The following EEFSEC variants were observed in gnomAD, a reference collection of about 807,000 sequenced individuals.
EEFSEC encodes selenocysteine-specific elongation factor.
EEFSEC carries 43 observed loss-of-function variants against 42.1 expected under a neutral mutation model. That is an observed-to-expected ratio of 1.02 (90% CI 0.80 to 1.32). The LOEUF (loss-of-function observed/expected upper bound fraction) is 1.32. Among genes scored for constraint, EEFSEC ranks in the 40% most tolerant of loss-of-function variants. The pLI is 0.00. For synonymous variants in EEFSEC, 354 were observed against 339.1 expected (o/e 1.04, Z -0.48); for missense variants, 745 against 803.6 (o/e 0.93, Z 0.88).
At chr3:128,223,844 G>C (rs1420919815) in intron 1 of EEFSEC, among the ~76,000 whole-genome samples, 1 of 151,782 alleles carries the variant, frequency 6.6e-6, no homozygotes, top group Non-Finnish European at 1.5e-5. Context: ...AACAGGAAAA[G>C]AAGAAATCAT....
At chr3:128,398,454 C>CT (rs918644323) in intron 6 of EEFSEC, among the ~76,000 whole-genome samples, 29 of 152,266 alleles carry the variant, frequency 1.9e-4, no homozygotes, top group African/African-American at 6.7e-4. Flanking sequence ...GGGACCCTGT[C>CT]TGAGTGGTTG....
At chr3:128,280,803 T>G (rs1440529079) in intron 4 of EEFSEC, among the ~76,000 whole-genome samples, 1 of 152,126 alleles carries the variant, frequency 6.6e-6, no homozygotes, top group African/African-American at 2.4e-5. Context: ...CCTGCATGAT[T>G]CCCCTCCCAG....
At chr3:128,235,754 G>C (rs145147388) in intron 1 of EEFSEC, among the ~76,000 whole-genome samples, 121 of 152,300 alleles carry the variant, frequency 7.9e-4, no homozygotes, top group Non-Finnish European at 1.4e-3. Context: ...AGGCAGTCAG[G>C]CTGGTTCTGA....
At position 128,154,058 on chromosome 3, in the gene EEFSEC, T is replaced by TAA. The variant is rs376181797; in HGVS notation, c.316+255_316+256dup. ...GAACCGAGCTGCAAGGCGCCTTCCT[T>TAA]AAAAAAAAAAAAAAAAAAAAATCAA... On this transcript the variant is annotated intron_variant, in intron 1 of 6. Coordinates refer to ENST00000254730, the MANE Select transcript of EEFSEC (RefSeq NM_021937.5). 2,217 of 288,020 alleles carry TAA rather than the reference T, an allele frequency of 7.7e-3. 2 individuals carry two copies. The highest frequency in any genetic ancestry group is 0.018 in the South Asian group (214 of 12,078). 17.8% of individuals were successfully genotyped at this position (288,020 alleles called of 1,614,324 possible). A position where few individuals can be genotyped will look rare whatever the true frequency, so the allele number is the denominator to read the frequency against.
intron 4 of EEFSEC, among the ~76,000 whole-genome samples, chr3:128,302,268 A>G (rs2066777388): frequency 6.6e-6 from 1 of 152,118 alleles, no homozygotes; most frequent in Non-Finnish European, 1.5e-5. Flanking sequence ...TTTAATTTTT[A>G]TTATCACTTA....
chr3:128,291,598 C>T (rs1273857050), intron 4 of EEFSEC, among the ~76,000 whole-genome samples: 1 of 152,190 alleles, frequency 6.6e-6, no homozygotes, highest in African/African-American at 2.4e-5. Context: ...TCTGTTATAG[C>T]AGCACAAAGT....
chr3:128,219,651 A>C (rs1210796260), intron 1 of EEFSEC, among the ~76,000 whole-genome samples: 3 of 152,192 alleles, frequency 2.0e-5, no homozygotes, highest in African/African-American at 7.2e-5. Context: ...AGCTATGCAG[A>C]AAATATTTAT....
intron 6 of EEFSEC, among the ~76,000 whole-genome samples, chr3:128,382,961 C>G (rs2067794751): frequency 6.6e-6 from 1 of 152,256 alleles, no homozygotes; most frequent in South Asian, 2.1e-4. Flanking sequence ...CCTGCTGCCT[C>G]CCTGAGATGG....
At chr3:128,205,845 C>T (rs555758215) in intron 1 of EEFSEC, among the ~76,000 whole-genome samples, 2 of 152,282 alleles carry the variant, frequency 1.3e-5, no homozygotes, top group African/African-American at 4.8e-5. Context: ...GAGGCCCTGG[C>T]CTGCTAAGGA....
rs1274591232 is a variant in EEFSEC at position 128,246,872 on chromosome 3, A to C, written c.353A>C (p.Asp118Ala). Residue 118 changes from aspartate (D) to alanine (A), a missense_variant, in exon 2 of 7, where the codon GAT becomes GCT. Coordinates refer to ENST00000254730, the MANE Select transcript of EEFSEC (RefSeq NM_021937.5). ...QIIDLMMLVI[D>A]VTKGMQTQSA... ...ATTGATCTGATGATGCTGGTCATCG[A>C]TGTGACCAAGGGGATGCAGACCCAG... 6.2e-7 allele frequency: 1 copy of C among 1,614,126 alleles called. No homozygotes were observed. The highest frequency in any genetic ancestry group is 1.3e-5 in the African/African-American group (1 of 75,030).
At chr3:128,283,068 A>G (rs1238723228) in intron 4 of EEFSEC, among the ~76,000 whole-genome samples, 1 of 152,222 alleles carries the variant, frequency 6.6e-6, no homozygotes, top group African/African-American at 2.4e-5. Context: ...CTTTCTCCCC[A>G]TCAGGACCTG....
intron 4 of EEFSEC, among the ~76,000 whole-genome samples, chr3:128,286,249 C>G (rs2066584632): frequency 6.6e-6 from 1 of 152,214 alleles, no homozygotes; most frequent in Non-Finnish European, 1.5e-5. Context: ...CTTTGTGGCT[C>G]TGGCACACAT....
At chr3:128,162,914 T>C (rs890501543) in intron 1 of EEFSEC, among the ~76,000 whole-genome samples, 2 of 152,186 alleles carry the variant, frequency 1.3e-5, no homozygotes, top group African/African-American at 4.8e-5. Flanking sequence ...TTTTAAACTT[T>C]TCACTGAGCA....
At chr3:128,376,230 C>T (rs1170725152) in intron 6 of EEFSEC, among the ~76,000 whole-genome samples, 3 of 152,106 alleles carry the variant, frequency 2.0e-5, no homozygotes, top group Admixed American at 6.5e-5. Flanking sequence ...ACCAAGGATG[C>T]ACCCTTTTGC....
chr3:128,337,358 G>T lies in EEFSEC; in HGVS notation c.787-3875G>T, dbSNP rs142159854. Among the ~76,000 whole-genome samples, 139 of 152,280 alleles carry T rather than the reference G, an allele frequency of 9.1e-4. 2 individuals are homozygous for T. The South Asian group carries it at 0.01, about 11-fold the overall frequency. The stretch of plus-strand genomic sequence containing the variant: ...GGTGCCCTGGTAAGGCATTCTTTAT[G>T]ATTTCAGTCCTGAGAACACAAGCCC... On this transcript the variant is annotated intron_variant, in intron 4 of 6. Transcript: ENST00000254730.
intron 4 of EEFSEC, among the ~76,000 whole-genome samples, chr3:128,331,843 T>C (rs866096620): frequency 1.3e-5 from 2 of 152,194 alleles, no homozygotes; most frequent in Non-Finnish European, 2.9e-5. Context: ...TTTCTTGTAC[T>C]GCTGGTGGAA....
At chr3:128,338,101 T>C (rs532852711) in intron 4 of EEFSEC, among the ~76,000 whole-genome samples, 33 of 152,362 alleles carry the variant, frequency 2.2e-4, no homozygotes, top group African/African-American at 7.7e-4. Flanking sequence ...GTGCATGCAC[T>C]ATGTGCACAG....
At chr3:128,287,869 A>G (rs1380543028) in intron 4 of EEFSEC, among the ~76,000 whole-genome samples, 1 of 152,240 alleles carries the variant, frequency 6.6e-6, no homozygotes, top group Non-Finnish European at 1.5e-5. Flanking sequence ...GTCTATGTGC[A>G]TTCAAGCATA....
chr3:128,303,673 G>T (rs981884858), intron 4 of EEFSEC, among the ~76,000 whole-genome samples: 6 of 151,672 alleles, frequency 4.0e-5, no homozygotes, highest in South Asian at 2.1e-4. Flanking sequence ...TTTTGACTTG[G>T]TTTTTTTTAT....
Sources: gnomAD v4.1 joint callset for allele counts (sites outside exome capture counted in the v4.1 genomes callset) on GRCh38, gnomAD v4.1.1 for gene constraint, MANE v1.5 for transcripts, NCBI Gene and HGNC (gene_info 2026-07-23, HGNC 2026-07-21) for gene names.